Variants in ZNF267 observed in about 807,000 individuals in gnomAD.
ZNF267 encodes the protein zinc finger (C2H2).
A neutral mutation model predicts 71.6 loss-of-function variants in ZNF267; 61 were observed. That is an observed-to-expected ratio of 0.85 (90% CI 0.69 to 1.05). The LOEUF is 1.05. Ranked by LOEUF, ZNF267 falls within the 50% of genes least tolerant of loss-of-function variation. The pLI is 0.00. For synonymous variants in ZNF267, 288 were observed against 293.2 expected, an observed-to-expected ratio of 0.98 and a Z score of 0.18; for missense variants, 852 against 870.0, an observed-to-expected ratio of 0.98 and a Z score of 0.26.
intron 3 of ZNF267, among the ~76,000 whole-genome samples, chr16:31,888,672 GATA>G (rs2083940019): frequency 6.6e-6 from 1 of 151,736 alleles, no homozygotes; most frequent in South Asian, 2.1e-4. Context: ...AATCCTACTT[GATA>G]ATGATGTCTG....
At chr16:31,913,265 G>T (rs2142363055) in intron 3 of ZNF267, 1 of 152,356 alleles carries the variant, frequency 6.6e-6, no homozygotes, top group East Asian at 1.9e-4. Flanking sequence ...GGATTACCAA[G>T]CAGAGACTCT....
rs1030107194 is a variant in ZNF267 at position 31,910,044 on chromosome 16, C to G, written c.227-4432C>G. ...TGATCATATGATTTTGTCCTTCATT[C>G]TGTTGATGTATCATACTGATTGATT... On this transcript the variant is annotated intron_variant, in intron 3 of 3. Transcript: ENST00000300870. Among the ~76,000 whole-genome samples the G allele has an allele frequency of 1.4e-4, 22 of 152,116 alleles. 1 individual carries two copies. Among genetic ancestry groups the G allele is most frequent in the Admixed American group, 5.9e-4 (9 of 15,274 alleles).
At chr16:31,891,195 T>C (rs948049125) in intron 3 of ZNF267, among the ~76,000 whole-genome samples, 1 of 152,194 alleles carries the variant, frequency 6.6e-6, no homozygotes, top group Admixed American at 6.5e-5. Context: ...ATTTAACATC[T>C]ATCCATAGAA....
intron 1 of ZNF267, among the ~76,000 whole-genome samples, chr16:31,879,919 C>A (rs2142330427): frequency 6.6e-6 from 1 of 152,328 alleles, no homozygotes; most frequent in Middle Eastern, 3.4e-3. Flanking sequence ...TGCCACTTCC[C>A]TGCGCCACCA....
intron 1 of ZNF267, among the ~76,000 whole-genome samples, chr16:31,884,285 A>G (rs2083909018): frequency 6.6e-6 from 1 of 152,218 alleles, no homozygotes; most frequent in Non-Finnish European, 1.5e-5. Flanking sequence ...TACATTTGAT[A>G]TAAATATCTA....
intron 3 of ZNF267, among the ~76,000 whole-genome samples, chr16:31,893,269 C>T (rs1021546917): frequency 3.9e-5 from 6 of 152,202 alleles, no homozygotes; most frequent in Admixed American, 2.0e-4. Flanking sequence ...ATGCAGGGCA[C>T]CAAGTCCCTA....
rs756715203 is a variant in ZNF267 at position 31,915,317 on chromosome 16, C to T, written c.1068C>T (p.Gly356=). 2.5e-6 allele frequency: 4 copies of T among 1,613,768 alleles called. No individual in the cohort carries two copies. The highest frequency in any genetic ancestry group is 3.4e-6 in the Non-Finnish European group (4 of 1,179,912). ...AACCCTGTAAATGGAAAGAATGTGG[C>T]AAGGTCTTTAACCTTAACTGTAGTT... ...EEKPCKWKEC[G]KVFNLNCSLY... is the part of the protein sequence containing the mutation. The change falls in exon 4 of 4, where the codon GGC becomes GGT. Residue 356 remains glycine (G), a synonymous_variant. Coordinates refer to ENST00000300870, the MANE Select transcript of ZNF267 (RefSeq NM_003414.6).
At position 31,907,734 on chromosome 16, in the gene ZNF267, T is replaced by A. The variant is rs538964342; in HGVS notation, c.227-6742T>A. ...CTGAGCAATATATTGAGACCCTGTGTCTATAAAAAATAATAAATATGGCTG... is the reference window on the plus strand; with the variant it reads ...CTGAGCAATATATTGAGACCCTGTGACTATAAAAAATAATAAATATGGCTG... On this transcript the variant is annotated intron_variant, in intron 3 of 3. Transcript: ENST00000300870. 4.4e-4 allele frequency among the ~76,000 whole-genome samples: 67 copies of A among 152,140 alleles called. 1 individual carries two copies. The highest frequency in any genetic ancestry group is 1.5e-3 in the African/African-American group (64 of 41,514).
At chr16:31,881,186 G>C (rs781238736) in intron 1 of ZNF267, among the ~76,000 whole-genome samples, 40 of 152,182 alleles carry the variant, frequency 2.6e-4, no homozygotes, top group Admixed American at 2.0e-4. Context: ...TTACAAAATA[G>C]GATGAAGCTT....
At chr16:31,875,995 T>C (rs547442251) in intron 1 of ZNF267, among the ~76,000 whole-genome samples, 19 of 152,250 alleles carry the variant, frequency 1.2e-4, no homozygotes, top group African/African-American at 4.1e-4. Context: ...TAAAACAGAA[T>C]CTCAGGGCTC....
intron 3 of ZNF267, among the ~76,000 whole-genome samples, chr16:31,890,583 T>G (rs1000612738): frequency 7.2e-5 from 11 of 152,246 alleles, no homozygotes; most frequent in African/African-American, 2.7e-4. Flanking sequence ...TTTTGTTTTC[T>G]ATAATAGAAT....
intron 3 of ZNF267, among the ~76,000 whole-genome samples, chr16:31,907,802 C>T (rs1049467745): frequency 3.3e-5 from 5 of 151,406 alleles, no homozygotes; most frequent in South Asian, 2.1e-4. Flanking sequence ...TTTGGGAGGC[C>T]GAGGCGGGTG....
intron 3 of ZNF267, among the ~76,000 whole-genome samples, chr16:31,890,533 A>T (rs1207578736): frequency 2.6e-5 from 4 of 152,222 alleles, no homozygotes; most frequent in Non-Finnish European, 5.9e-5. Context: ...CTGTTAGTTT[A>T]AAAAAATTCA....
intron 3 of ZNF267, among the ~76,000 whole-genome samples, chr16:31,904,145 TGA>T (rs1275873038): frequency 6.6e-6 from 1 of 152,258 alleles, no homozygotes; most frequent in Non-Finnish European, 1.5e-5. Context: ...CACTGTGGTG[TGA>T]GAGACAGTTT....
rs553747500 is a variant in ZNF267 at position 31,909,217 on chromosome 16, C to T, written c.227-5259C>T. 1.0e-4 allele frequency among the ~76,000 whole-genome samples: 15 copies of T among 150,206 alleles called. No homozygotes were observed. The South Asian group carries it at 3.0e-3, about 30-fold the overall frequency. ...TCTCGGCTCGGCTCACTGCAACCTC[C>T]GCCTCCCGGGTTCAAGTGATTCTCC... On this transcript the variant is annotated intron_variant, in intron 3 of 3. Transcript: ENST00000300870.
At chr16:31,881,372 C>G (rs1016639716) in intron 1 of ZNF267, among the ~76,000 whole-genome samples, 1 of 152,022 alleles carries the variant, frequency 6.6e-6, no homozygotes, top group Admixed American at 6.5e-5. Flanking sequence ...TACCCTGGAG[C>G]CTCCCCTCAC....
chr16:31,914,854 C>T lies in ZNF267; in HGVS notation c.605C>T (p.Thr202Ile), dbSNP rs1316534058. Residue 202 changes from threonine (T) to isoleucine (I), a missense_variant, in exon 4 of 4, where the codon ACT becomes ATT. Thr to Ile is a moderately conservative substitution (Grantham distance 89). Transcript: ENST00000300870. Reference protein sequence around the residue: ...KTSVLFRQVSTLNSYRNVFIG... With the variant: ...KTSVLFRQVSILNSYRNVFIG... ...TCAGTGTTATTTAGGCAGGTCTCTA[C>T]TCTAAATAGTTACCGAAATGTTTTT... is the stretch of plus-strand genomic sequence containing the variant. 1.2e-6 allele frequency: 2 copies of T among 1,611,314 alleles called. No individual in the cohort carries two copies. Among genetic ancestry groups the T allele is most frequent in the Non-Finnish European group, 8.5e-7 (1 of 1,179,258 alleles).
intron 3 of ZNF267, among the ~76,000 whole-genome samples, chr16:31,892,801 T>A (rs889951606): frequency 9.8e-5 from 15 of 152,368 alleles, no homozygotes; most frequent in African/African-American, 3.6e-4. Context: ...CTTACAGCCT[T>A]GGGCAGCTCT....
At chr16:31,909,115 C>T (rs978821573) in intron 3 of ZNF267, among the ~76,000 whole-genome samples, 11 of 88,704 alleles carry the variant, frequency 1.2e-4, no homozygotes, top group Admixed American at 3.9e-4. Flanking sequence ...TATTTCTTTT[C>T]TTTTCTTTTT....
Sources: allele counts gnomAD v4.1 joint callset (sites outside exome capture counted in the v4.1 genomes callset), GRCh38; gene constraint gnomAD v4.1.1; transcripts MANE v1.5; gene names NCBI Gene and HGNC (gene_info 2026-07-23, HGNC 2026-07-21).